The following IFNAR1 variants were observed in gnomAD, a reference collection of about 807,000 sequenced individuals.
IFNAR1 encodes the protein interferon alpha and beta receptor subunit 1.
In IFNAR1, 47 loss-of-function variants were observed where a neutral mutation model predicts 62.1. The ratio of observed to expected loss-of-function variants is 0.76; its 90% CI spans 0.60 to 0.97. The LOEUF (loss-of-function observed/expected upper bound fraction) is 0.97, where lower values mean the gene tolerates loss of function less well. IFNAR1 is among the 50% of genes least tolerant of loss of function. IFNAR1 has a pLI of 0.00. For missense variants in IFNAR1, 638 were observed against 654.5 expected, an observed-to-expected ratio of 0.97 and a Z score of 0.27; for synonymous variants, 219 against 226.9, an observed-to-expected ratio of 0.97 and a Z score of 0.31.
chr21:33,342,688 C>CAAAAAAAAAA (rs757422966), intron 3 of IFNAR1, among the ~76,000 whole-genome samples: 5 of 93,460 alleles, frequency 5.3e-5, no homozygotes, highest in East Asian at 2.9e-4. Flanking sequence ...ACTAAAAATA[C>CAAAAAAAAAA]AAAAAAAAAA....
chr21:33,338,669 A>G (rs1464651109), intron 2 of IFNAR1, among the ~76,000 whole-genome samples: 1 of 152,046 alleles, frequency 6.6e-6, no homozygotes, highest in African/African-American at 2.4e-5. Flanking sequence ...TGAAGTAAAT[A>G]TTACATTAGT....
chr21:33,326,590 G>A, intron 1 of IFNAR1, among the ~76,000 whole-genome samples: 1 of 152,216 alleles, frequency 6.6e-6, no homozygotes, highest in Admixed American at 6.5e-5. Flanking sequence ...TGGGAGACCA[G>A]CAAAGAATTG....
intron 1 of IFNAR1, among the ~76,000 whole-genome samples, chr21:33,328,680 C>T (rs2083149674): frequency 6.6e-6 from 1 of 152,096 alleles, no homozygotes; most frequent in Admixed American, 6.5e-5. Context: ...ATTAAGAAAA[C>T]TATCCAAAAT....
intron 2 of IFNAR1, among the ~76,000 whole-genome samples, chr21:33,338,941 CA>C (rs1274149598): frequency 6.6e-6 from 1 of 151,984 alleles, no homozygotes; most frequent in Non-Finnish European, 1.5e-5. Context: ...AGGATTTCTC[CA>C]TGTTGATCGG....
intron 2 of IFNAR1, 24 bp from the exon 3 acceptor site, chr21:33,340,975 T>C (rs760366059): frequency 6.2e-5 from 93 of 1,490,628 alleles, no homozygotes; most frequent in Non-Finnish European, 8.1e-5. Context: ...GCTCACTCAT[T>C]CATTTGTTTT....
intron 2 of IFNAR1, among the ~76,000 whole-genome samples, chr21:33,340,374 CAG>C (rs1215292175): frequency 6.6e-6 from 1 of 152,092 alleles, no homozygotes; most frequent in African/African-American, 2.4e-5. Context: ...TTATTAGAGA[CAG>C]GGTCTTGCTC....
chr21:33,339,430 T>TG (rs1366724863), intron 2 of IFNAR1, among the ~76,000 whole-genome samples: 1 of 152,212 alleles, frequency 6.6e-6, no homozygotes, highest in Non-Finnish European at 1.5e-5. Context: ...AAGGTAGACT[T>TG]GTATTTGGTT....
chr21:33,345,690 G>A (rs2083338864), intron 6 of IFNAR1, among the ~76,000 whole-genome samples: 1 of 152,206 alleles, frequency 6.6e-6, no homozygotes, highest in African/African-American at 2.4e-5. Flanking sequence ...AGACTCGACA[G>A]TTGACCCTGA....
chr21:33,335,726 T>C, intron 2 of IFNAR1, 79 bp downstream of exon 2: 1 of 1,164,934 alleles, frequency 8.6e-7, no homozygotes, highest in South Asian at 2.0e-5. Flanking sequence ...ATTTTTAGAT[T>C]TGGAAAGTGT....
intron 3 of IFNAR1, among the ~76,000 whole-genome samples, chr21:33,343,039 G>A (rs368102237): frequency 1.3e-5 from 2 of 152,048 alleles, no homozygotes; most frequent in East Asian, 1.9e-4. Context: ...CTCATTGATC[G>A]CTTCATCTTC....
rs2083436123 is a variant in IFNAR1 at position 33,355,299 on chromosome 21, C to A, written c.1441-17C>A. The A allele has an allele frequency of 8.3e-7, 1 of 1,197,702 alleles. No individual in the cohort carries two copies. Among genetic ancestry groups the A allele is most frequent in the Non-Finnish European group, 1.2e-6 (1 of 843,802 alleles). The allele number at this position is 1,197,702 out of a possible 1,614,324, so 74.2% of individuals were successfully genotyped here. A position where few individuals can be genotyped will look rare whatever the true frequency, so the allele number is the denominator to read the frequency against. On this transcript the variant is annotated splice_polypyrimidine_tract_variant and intron_variant, in intron 10 of 10. Transcript: ENST00000270139. Reference sequence around the variant, plus strand: ...TTTAAATAATTGATTTCTACTCTTTCCCTTTTTTTAAATTAGTATTTCTCT... The same window carrying A: ...TTTAAATAATTGATTTCTACTCTTTACCTTTTTTTAAATTAGTATTTCTCT...
chr21:33,357,090 T>G lies in IFNAR1; in HGVS notation c.*1541T>G, dbSNP rs2083455215. 1 of 152,226 alleles carries G rather than the reference T, an allele frequency of 6.6e-6. No homozygotes were observed. Among genetic ancestry groups the G allele is most frequent in the Non-Finnish European group, 1.5e-5 (1 of 68,042 alleles). The allele number at this position is 152,226 out of a possible 1,614,324, so 9.4% of individuals were successfully genotyped here. Reference sequence around the variant, plus strand: ...AACTTAGTTTTAAATTACTTGCTACTGGGGATTACCCATGGATATCCTTAA... The same window carrying G: ...AACTTAGTTTTAAATTACTTGCTACGGGGGATTACCCATGGATATCCTTAA... On this transcript the variant is annotated 3_prime_UTR_variant, in exon 11 of 11. Coordinates refer to ENST00000270139, the MANE Select transcript of IFNAR1 (RefSeq NM_000629.3).
intron 3 of IFNAR1, among the ~76,000 whole-genome samples, chr21:33,342,772 A>G (rs545167204): frequency 0.02 from 3,019 of 150,874 alleles, 95 homozygotes; most frequent in African/African-American, 0.069. Flanking sequence ...CAGGAGAATG[A>G]CATGAACCCG....
chr21:33,348,785 A>C (rs1158165843), intron 6 of IFNAR1, among the ~76,000 whole-genome samples: 2 of 152,310 alleles, frequency 1.3e-5, no homozygotes, highest in African/African-American at 4.8e-5. Flanking sequence ...CCTGGGTGAC[A>C]GAGCGAGACT....
At position 33,344,155 on chromosome 21, in the gene IFNAR1, G is replaced by A. The variant is rs1014407828; in HGVS notation, c.673+479G>A. On this transcript the variant is annotated intron_variant, in intron 5 of 10. Transcript: ENST00000270139. Reference sequence around the variant, plus strand: ...CAAGGGGGACAAAGAGTAAGGCTCCGTCTTAGAAAAAAAAAAAAGTTCAAA... The same window carrying A: ...CAAGGGGGACAAAGAGTAAGGCTCCATCTTAGAAAAAAAAAAAAGTTCAAA... 4.9e-5 allele frequency among the ~76,000 whole-genome samples: 7 copies of A among 143,488 alleles called. No individual in the cohort carries two copies. The East Asian group carries it at 5.8e-4, about 12-fold the overall frequency. 94.1% of individuals were successfully genotyped at this position (143,488 alleles called of 152,430 possible).
intron 2 of IFNAR1, among the ~76,000 whole-genome samples, chr21:33,339,477 T>C (rs1012551235): frequency 1.3e-5 from 2 of 152,222 alleles, no homozygotes; most frequent in Non-Finnish European, 2.9e-5. Context: ...CTCTGGTTTC[T>C]AATATCTAAA....
intron 3 of IFNAR1, among the ~76,000 whole-genome samples, chr21:33,342,567 A>G (rs879043074): frequency 6.8e-5 from 10 of 147,976 alleles, no homozygotes; most frequent in East Asian, 2.0e-4. Context: ...CTTTTTGGCC[A>G]GGCGCGGTGG....
chr21:33,332,641 A>G (rs774700872), intron 1 of IFNAR1, among the ~76,000 whole-genome samples: 16 of 152,202 alleles, frequency 1.1e-4, no homozygotes, highest in Non-Finnish European at 2.2e-4. Context: ...AACAATTCAC[A>G]ATACAAAAAA....
chr21:33,350,408 T>G lies in IFNAR1; in HGVS notation c.1143+865T>G, dbSNP rs181141250. Among the ~76,000 whole-genome samples, 62 of 152,234 alleles carry G rather than the reference T, an allele frequency of 4.1e-4. No individual in the cohort carries two copies. The East Asian group carries it at 9.6e-3, about 24-fold the overall frequency. On this transcript the variant is annotated intron_variant, in intron 8 of 10. Transcript: ENST00000270139. Reference sequence around the variant, plus strand: ...CCTCCAAAACCATTGGAAAGCATTCTTCCAAAGTTCAGCTTTGCCCAACAA... The same window carrying G: ...CCTCCAAAACCATTGGAAAGCATTCGTCCAAAGTTCAGCTTTGCCCAACAA...
Sources: gnomAD v4.1 joint callset for allele counts (sites outside exome capture counted in the v4.1 genomes callset) on GRCh38, gnomAD v4.1.1 for gene constraint, MANE v1.5 for transcripts, NCBI Gene and HGNC (gene_info 2026-07-23, HGNC 2026-07-21) for gene names.